Variants in MBNL2 observed in about 807,000 individuals in gnomAD.
MBNL2 encodes the protein muscleblind like splicing regulator 2.
In MBNL2, 17 loss-of-function variants were observed where a neutral mutation model predicts 41.9. That is an observed-to-expected ratio of 0.41 (90% CI 0.28 to 0.61). The LOEUF is 0.61. Among genes scored for constraint, MBNL2 ranks in the 20% least tolerant of loss-of-function variants. The pLI is 0.35. For synonymous variants in MBNL2, 195 were observed against 182.9 expected (o/e 1.07, Z -0.53); for missense variants, 336 against 505.6 (o/e 0.66, Z 3.22).
chr13:97,337,522 G>C (rs2060990171), intron 3 of MBNL2, among the ~76,000 whole-genome samples: 1 of 151,926 alleles, frequency 6.6e-6, no homozygotes, highest in Admixed American at 6.6e-5. Context: ...CTCCCTTGTG[G>C]TCTCATCCAT....
At chr13:97,267,035 CT>C (rs1293943866) in intron 1 of MBNL2, among the ~76,000 whole-genome samples, 1 of 152,154 alleles carries the variant, frequency 6.6e-6, no homozygotes, top group Non-Finnish European at 1.5e-5. Flanking sequence ...TTAAGGTGGT[CT>C]GAAATTTTGA....
At chr13:97,159,180 TG>T in the MBNL2 span, among the ~76,000 whole-genome samples, 11 of 152,176 alleles carry the variant, frequency 7.2e-5, no homozygotes, top group East Asian at 2.1e-3. Flanking sequence ...TGATCTTTGT[TG>T]GTTTAAAGTC....
chr13:97,362,814 G>A (rs1162613014), intron 7 of MBNL2, among the ~76,000 whole-genome samples: 1 of 152,182 alleles, frequency 6.6e-6, no homozygotes, highest in Non-Finnish European at 1.5e-5. Flanking sequence ...TAGTGACCAG[G>A]ACTTCAGATG....
chr13:97,340,713 G>A (rs1388848850), intron 3 of MBNL2, among the ~76,000 whole-genome samples: 3 of 152,146 alleles, frequency 2.0e-5, no homozygotes, highest in Non-Finnish European at 4.4e-5. Context: ...GCCTCTCTGA[G>A]TCTAAAATCT....
rs937811655 is a variant in MBNL2 at position 97,367,114 on chromosome 13, G to A, written c.1048+1943G>A. Among the ~76,000 whole-genome samples, 25 of 152,150 alleles carry A rather than the reference G, an allele frequency of 1.6e-4. 1 individual carries two copies. Among genetic ancestry groups the A allele is most frequent in the African/African-American group, 3.9e-4 (16 of 41,430 alleles). ...TACTGGCCTAAGAGCCAAACCATCC[G>A]GAATGAAGAGTCATGGGTGCCGCTG... is the stretch of plus-strand genomic sequence containing the variant. On this transcript the variant is annotated intron_variant, in intron 8 of 8. Coordinates refer to ENST00000679496, the MANE Select transcript of MBNL2 (RefSeq NM_001382683.1).
intron 1 of MBNL2, among the ~76,000 whole-genome samples, chr13:97,256,042 G>C (rs2047458215): frequency 6.6e-6 from 1 of 152,262 alleles, no homozygotes; most frequent in South Asian, 2.1e-4. Flanking sequence ...AATTAGATCT[G>C]AAAGATTCTT....
At chr13:97,228,411 A>G (rs1054657989) in intron 1 of MBNL2, among the ~76,000 whole-genome samples, 11 of 152,174 alleles carry the variant, frequency 7.2e-5, no homozygotes, top group Admixed American at 3.3e-4. Context: ...ATTATTTTAA[A>G]ACTCTCAGAT....
At chr13:97,241,450 G>C (rs2044261775) in intron 1 of MBNL2, among the ~76,000 whole-genome samples, 1 of 152,178 alleles carries the variant, frequency 6.6e-6, no homozygotes. Flanking sequence ...TGAAATCTAA[G>C]TCTCCGTTTC....
chr13:97,291,288 C>G (rs779012641), intron 2 of MBNL2, among the ~76,000 whole-genome samples: 1 of 152,066 alleles, frequency 6.6e-6, no homozygotes, highest in Non-Finnish European at 1.5e-5. Context: ...GTTGCCCAGG[C>G]TGGAGTGCAG....
the MBNL2 span, among the ~76,000 whole-genome samples, chr13:97,158,415 G>A: frequency 6.6e-6 from 1 of 152,044 alleles, no homozygotes; most frequent in Non-Finnish European, 1.5e-5. Context: ...CTCTGATTTA[G>A]GTTATTTCTT....
In MBNL2 at chr13:97,347,486, G is replaced by A. The variant is rs112353894; in HGVS notation, c.804+419G>A. ...CCCAGCTCCTTGGAGCAGCCACGGAGGACATCTGTGGCCTAAGAGAAGCCC... is the reference window on the plus strand; with the variant it reads ...CCCAGCTCCTTGGAGCAGCCACGGAAGACATCTGTGGCCTAAGAGAAGCCC... On this transcript the variant is annotated intron_variant, in intron 5 of 8. Transcript: ENST00000679496. Among the ~76,000 whole-genome samples the A allele has an allele frequency of 2.0e-5, 3 of 152,324 alleles. 1 individual carries two copies. Among genetic ancestry groups the A allele is most frequent in the African/African-American group, 7.2e-5 (3 of 41,576 alleles).
chr13:97,334,422 A>G lies in MBNL2; in HGVS notation c.321A>G (p.Gly107=). The G allele has an allele frequency of 6.2e-7, 1 of 1,612,750 alleles. No homozygotes were observed. ...AGCAGATGCAATTTATGTTTCCAGG[A>G]ACACCACTTCATCCAGTGGTGAGTA... ...LAQQMQFMFP[G]TPLHPVPTFP... The change falls in exon 3 of 9, where the codon GGA becomes GGG. Residue 107 remains glycine (G), a synonymous_variant. Transcript: ENST00000679496. The surrounding 1 kb of genome is among the most constrained non-coding windows in gnomAD (Gnocchi z 5.3).
the MBNL2 span, among the ~76,000 whole-genome samples, chr13:97,193,811 GCCC>G: frequency 6.6e-6 from 1 of 152,108 alleles, no homozygotes; most frequent in East Asian, 1.9e-4. Flanking sequence ...ACTGCTTACT[GCCC>G]TTAACTGTCT....
chr13:97,188,888 G>A, the MBNL2 span, among the ~76,000 whole-genome samples: 1 of 151,944 alleles, frequency 6.6e-6, no homozygotes, highest in Non-Finnish European at 1.5e-5. Context: ...CAAAATTCCT[G>A]AAAGATCCAT....
intron 2 of MBNL2, among the ~76,000 whole-genome samples, chr13:97,324,045 A>G (rs950529895): frequency 7.9e-5 from 12 of 152,150 alleles, no homozygotes; most frequent in Admixed American, 6.5e-4. Context: ...TCTTGTACCC[A>G]TTAACCATCC....
At chr13:97,261,301 T>C (rs1369360799) in intron 1 of MBNL2, among the ~76,000 whole-genome samples, 7 of 152,014 alleles carry the variant, frequency 4.6e-5, no homozygotes, top group Admixed American at 3.9e-4. Flanking sequence ...CTCACACACA[T>C]GCACACACAT....
chr13:97,183,861 T>A, the MBNL2 span, among the ~76,000 whole-genome samples: 1 of 152,234 alleles, frequency 6.6e-6, no homozygotes, highest in Admixed American at 6.5e-5. Flanking sequence ...TAAACATGCT[T>A]CCAGGCAAGT....
At chr13:97,214,605 T>A in the MBNL2 span, among the ~76,000 whole-genome samples, 1 of 152,168 alleles carries the variant, frequency 6.6e-6, no homozygotes, top group Admixed American at 6.5e-5. Context: ...GGGCAGAAGG[T>A]TATAGACAGA....
At chr13:97,327,447 A>C (rs937835731) in intron 2 of MBNL2, among the ~76,000 whole-genome samples, 2 of 151,518 alleles carry the variant, frequency 1.3e-5, no homozygotes, top group African/African-American at 4.9e-5. Flanking sequence ...TTTCTTCCTG[A>C]GCAACTCCTG....
Sources: gnomAD v4.1 joint callset for allele counts (sites outside exome capture counted in the v4.1 genomes callset) on GRCh38, gnomAD v4.1.1 for gene constraint, Gnocchi (gnomAD v3.1) non-coding constraint, MANE v1.5 for transcripts, NCBI Gene and HGNC (gene_info 2026-07-23, HGNC 2026-07-21) for gene names.